Variants in KLHL33 observed in about 807,000 individuals in gnomAD.
KLHL33 encodes the protein kelch like family member 33.
Under a neutral mutation model 60.8 loss-of-function variants are expected in KLHL33, and 46 were observed. The observed-to-expected ratio is 0.76, with a 90% CI of 0.60 to 0.97. The LOEUF (loss-of-function observed/expected upper bound fraction) is 0.97. Among genes scored for constraint, KLHL33 ranks in the 50% least tolerant of loss-of-function variants. The pLI is 0.00. For missense variants in KLHL33, 1,055 were observed against 1,000.0 expected (o/e 1.05, Z -0.74); for synonymous variants, 434 against 432.2 (o/e 1.00, Z -0.05).
chr14:20,434,603 A>T (rs1305320838), intron 2 of KLHL33, among the ~76,000 whole-genome samples: 1 of 151,748 alleles, frequency 6.6e-6, no homozygotes, highest in Admixed American at 6.6e-5. Context: ...CTTGCTCATT[A>T]GCTGCAGGGC....
chr14:20,432,931 A>AAAGAAAGC (rs1416628712), intron 2 of KLHL33, among the ~76,000 whole-genome samples: 1 of 138,782 alleles, frequency 7.2e-6, no homozygotes, highest in East Asian at 2.1e-4. Context: ...CAAAAAAAAG[A>AAAGAAAGC]AAGAAAGAAA....
At chr14:20,431,101 C>CTAAG (rs1311525490) in intron 2 of KLHL33, among the ~76,000 whole-genome samples, 5 of 152,178 alleles carry the variant, frequency 3.3e-5, no homozygotes, top group African/African-American at 1.2e-4. Flanking sequence ...AAAGCATTTG[C>CTAAG]TAAGAGGAGC....
In KLHL33 at chr14:20,435,125, G is replaced by A; in HGVS notation, c.687C>T (p.Leu229=). 2.4e-6 allele frequency: 3 copies of A among 1,234,450 alleles called. No homozygotes were observed. The highest frequency in any genetic ancestry group is 3.0e-6 in the Non-Finnish European group (3 of 988,182). The allele number at this position is 1,234,450 out of a possible 1,614,324, so 76.5% of individuals were successfully genotyped here. The change falls in exon 2 of 5, where the codon CTC becomes CTT. Residue 229 remains leucine (L), a synonymous_variant. Coordinates refer to ENST00000636854, the MANE Select transcript of KLHL33 (RefSeq NM_001365790.2). The part of the protein sequence containing the change: ...ELRENLRGIE[L]LYREGVGCDL... ...CACACCCGACGCCCTCTCGGTAGAG[G>A]AGCTCGATTCCGCGCAGGTTCTCCC...
Position 20,429,194 on chromosome 14 carries a change from C to A in KLHL33, c.2049G>T (p.Arg683Ser). Residue 683 changes from arginine (R) to serine (S), a missense_variant, in exon 5 of 5, where the codon AGG (arginine) becomes AGT (serine). Transcript: ENST00000636854. Reference protein sequence around the residue: ...AGHVMAALGGRLYVAGGLGET... With the variant: ...AGHVMAALGGSLYVAGGLGET... ...CACCCAGCCCACCTGCCACATACAA[C>A]CTCCCACCCAATGCAGCCATGACAT... 1 of 1,551,656 alleles carries A rather than the reference C, an allele frequency of 6.4e-7. No homozygotes were observed. Among genetic ancestry groups the A allele is most frequent in the Non-Finnish European group, 8.7e-7 (1 of 1,146,982 alleles).
rs1298199673 is a variant in KLHL33 at position 20,430,027 on chromosome 14, C to A, written c.1441G>T (p.Asp481Tyr). ...PDRALVVIGG[D>Y]GLRPDMALRQ... ...AGGGCCATGTCTGGTCTGAGCCCAT[C>A]CCCGCCAATCACTACCAGTGCCCGG... Residue 481 changes from aspartate (D) to tyrosine (Y), a missense_variant, in exon 3 of 5, where the codon GAT becomes TAT. Transcript: ENST00000636854. The A allele has an allele frequency of 1.9e-6, 3 of 1,551,630 alleles. No individual in the cohort carries two copies. Among genetic ancestry groups the A allele is most frequent in the African/African-American group, 2.7e-5 (2 of 73,058 alleles).
At position 20,430,566 on chromosome 14, in the gene KLHL33, C is replaced by G. The variant is rs749594652; in HGVS notation, c.902G>C (p.Arg301Pro). The change falls in exon 3 of 5, where the codon CGG becomes CCG. Residue 301 changes from arginine to proline, a missense_variant. Transcript: ENST00000636854. The stretch of plus-strand genomic sequence containing the variant: ...TCTCAGTAGCCCTGGCCACCTTGCC[C>G]GCACAACTCCGGAGTAAGCAAAAGA... ...LVSFAYSGVV[R>P]ARWPGLLRAA... 6.5e-7 allele frequency: 1 copy of G among 1,539,390 alleles called. No individual in the cohort carries two copies. Among genetic ancestry groups the G allele is most frequent in the Non-Finnish European group, 8.7e-7 (1 of 1,147,026 alleles).
chr14:20,429,034 AG>A lies in KLHL33; in HGVS notation c.2208del (p.Tyr737ThrfsTer40). The A allele has an allele frequency of 1.3e-6, 2 of 1,551,704 alleles. No individual in the cohort carries two copies. Among genetic ancestry groups the A allele is most frequent in the Non-Finnish European group, 1.7e-6 (2 of 1,146,980 alleles). On this transcript the variant is annotated frameshift_variant, in exon 5 of 5. Coordinates refer to ENST00000636854, the MANE Select transcript of KLHL33 (RefSeq NM_001365790.2). LOFTEE classifies it high-confidence loss of function. ...GAGAGGGCATAAGTACGGTGACTGT[AG>A]CCCCCGAGCACCAGTAGCTCCCCCT... is the stretch of plus-strand genomic sequence containing the variant. ...VLQGELLVLG[G>X]YSHRTYALSH...
chr14:20,429,531 C>G lies in KLHL33; in HGVS notation c.1812G>C (p.Glu604Asp). 4.5e-6 allele frequency: 7 copies of G among 1,552,246 alleles called. No homozygotes were observed. The highest frequency in any genetic ancestry group is 6.1e-6 in the Non-Finnish European group (7 of 1,147,102). The change falls in exon 4 of 5, where the codon GAG becomes GAC. Residue 604 changes from glutamate to aspartate, a missense_variant. Coordinates refer to ENST00000636854, the MANE Select transcript of KLHL33 (RefSeq NM_001365790.2). ...RHNDVALDSV[E>D]TYNPELNVWR... Reference sequence around the variant, plus strand: ...AGACATTGAGCTCAGGGTTGTAGGTCTCCACAGAGTCCAGGGCAACATCAT... The same window carrying G: ...AGACATTGAGCTCAGGGTTGTAGGTGTCCACAGAGTCCAGGGCAACATCAT...
rs2139264985 is a variant in KLHL33, at chr14:20,429,594, T to C, written c.1749A>G (p.Ala583=). ...CCAGGGCATAAAGTTTTCCATCCAG[T>C]GCCACCAAGGAGAAAAGGCTTCGAG... ...SQARSLFSLV[A]LDGKLYALGG... The change falls in exon 4 of 5, where the codon GCA becomes GCG. Residue 583 remains alanine, a synonymous_variant. Transcript: ENST00000636854. The C allele has an allele frequency of 6.4e-7, 1 of 1,552,064 alleles. No homozygotes were observed. Among genetic ancestry groups the C allele is most frequent in the African/African-American group, 1.4e-5 (1 of 73,126 alleles).
Position 20,429,619 on chromosome 14 carries a change from G to A in KLHL33, c.1724C>T (p.Ala575Val). ...DWEEMAPLSQ[A>V]RSLFSLVALD... ...TGCCACCAAGGAGAAAAGGCTTCGA[G>A]CCTGGGACAAAGGAGCCATCTCCTC... The change falls in exon 4 of 5, where the codon GCT becomes GTT. Residue 575 changes from alanine to valine, a missense_variant. Physicochemically the swap from Ala to Val is moderately conservative, Grantham distance 64. Coordinates refer to ENST00000636854, the MANE Select transcript of KLHL33 (RefSeq NM_001365790.2). The A allele has an allele frequency of 6.4e-7, 1 of 1,551,890 alleles. No individual in the cohort carries two copies. The highest frequency in any genetic ancestry group is 1.2e-5 in the South Asian group (1 of 84,050).
intron 2 of KLHL33, among the ~76,000 whole-genome samples, chr14:20,432,972 A>AAGAAAGAAAGAAAGAC (rs1880566773): frequency 1.3e-5 from 2 of 151,630 alleles, no homozygotes; most frequent in Non-Finnish European, 2.9e-5. Flanking sequence ...GAAAGAAAGA[A>AAGAAAGAAAGAAAGAC]AGAAAGAAAG....
At chr14:20,432,978 G>GAAAGAA (rs1555330530) in intron 2 of KLHL33, among the ~76,000 whole-genome samples, 8 of 151,456 alleles carry the variant, frequency 5.3e-5, no homozygotes, top group Non-Finnish European at 1.2e-4. Flanking sequence ...AAGAAAGAAA[G>GAAAGAA]AAAGAAAGAG....
chr14:20,432,607 T>G (rs916591912), intron 2 of KLHL33, among the ~76,000 whole-genome samples: 3 of 151,952 alleles, frequency 2.0e-5, no homozygotes, highest in Non-Finnish European at 4.4e-5. Context: ...TGGGAAAATA[T>G]AAATGTGGAC....
At chr14:20,433,987 TG>T (rs1880602524) in intron 2 of KLHL33, among the ~76,000 whole-genome samples, 1 of 152,208 alleles carries the variant, frequency 6.6e-6, no homozygotes, top group South Asian at 2.1e-4. Context: ...TGTGTCCACA[TG>T]GCCTAGTGGA....
chr14:20,429,723 G>A (rs17111534), intron 3 of KLHL33, 54 bp from the exon 4 acceptor site: 325,415 of 1,532,084 alleles, frequency 0.21, 36,901 homozygotes, highest in African/African-American at 0.39. Context: ...TCCGTGGTTG[G>A]CTAGGCCAGC....
Position 20,426,188 on chromosome 14 carries a change from T to C in KLHL33, c.*2661A>G, listed in dbSNP as rs950702348. 5.9e-5 allele frequency: 9 copies of C among 152,072 alleles called. No homozygotes were observed. Among genetic ancestry groups the C allele is most frequent in the African/African-American group, 1.9e-4 (8 of 41,406 alleles). The allele number at this position is 152,072 out of a possible 1,614,324, so 9.4% of individuals were successfully genotyped here. On this transcript the variant is annotated 3_prime_UTR_variant, in exon 5 of 5. Transcript: ENST00000636854. Reference sequence around the variant, plus strand: ...ACCCTTAGAAACATGAAAATCTTAATAAACAATGGTAATAGAAAACTGACC... The same window carrying C: ...ACCCTTAGAAACATGAAAATCTTAACAAACAATGGTAATAGAAAACTGACC...
Position 20,429,021 on chromosome 14 carries a change from G to A in KLHL33, c.2222C>T (p.Thr741Ile). 1 of 1,551,746 alleles carries A rather than the reference G, an allele frequency of 6.4e-7. No homozygotes were observed. Among genetic ancestry groups the A allele is most frequent in the South Asian group, 1.2e-5 (1 of 84,062 alleles). The change falls in exon 5 of 5, where the codon ACT becomes ATT. Residue 741 changes from threonine (T) to isoleucine (I), a missense_variant. Coordinates refer to ENST00000636854, the MANE Select transcript of KLHL33 (RefSeq NM_001365790.2). ...ATGGATAAGGTGAGAGAGGGCATAA[G>A]TACGGTGACTGTAGCCCCCGAGCAC... ...LLVLGGYSHR[T>I]YALSHLIHAY...
At position 20,435,653 on chromosome 14, in the gene KLHL33, C is replaced by T; in HGVS notation, c.159G>A (p.Glu53=). 2.4e-6 allele frequency: 3 copies of T among 1,234,692 alleles called. No homozygotes were observed. In the South Asian group the frequency reaches 1.2e-4, roughly 51 times the overall value. The allele number at this position is 1,234,692 out of a possible 1,614,324, so 76.5% of individuals were successfully genotyped here. A position where few individuals can be genotyped will look rare whatever the true frequency, so the allele number is the denominator to read the frequency against. Residue 53 remains glutamate, a synonymous_variant, in exon 2 of 5, where the codon GAG becomes GAA. Transcript: ENST00000636854. ...EDPRLPSFPL[E]EPGSRPLVPR... is the part of the protein sequence containing the mutation. ...GGACCAGGGGCCTGGAACCAGGCTC[C>T]TCCAGAGGAAAGGAAGGCAATCTGG...
chr14:20,429,472 T>G, intron 4 of KLHL33, 30 bp downstream of exon 4: 2 of 1,551,474 alleles, frequency 1.3e-6, no homozygotes, highest in Non-Finnish European at 1.7e-6. Context: ...AGTCTCCTAA[T>G]CTCTCCCAGA....
Sources: gnomAD v4.1 joint callset for allele counts (sites outside exome capture counted in the v4.1 genomes callset) on GRCh38, gnomAD v4.1.1 for gene constraint, MANE v1.5 for transcripts, NCBI Gene and HGNC (gene_info 2026-07-23, HGNC 2026-07-21) for gene names.